Variants in ADAMTS5 observed in about 807,000 individuals in gnomAD.
ADAMTS5 encodes the protein ADAM metallopeptidase with thrombospondin type 1 motif 5.
In ADAMTS5, 54 loss-of-function variants were observed where a neutral mutation model predicts 81.4. The observed-to-expected ratio is 0.66, with a 90% confidence interval of 0.53 to 0.83. The LOEUF is 0.83. Ranked by LOEUF, ADAMTS5 falls within the 40% of genes least tolerant of loss-of-function variation. The pLI is 0.00. For synonymous variants in ADAMTS5, 532 were observed against 508.8 expected, an observed-to-expected ratio of 1.05 and a Z score of -0.61; for missense variants, 1,194 against 1,229.9, an observed-to-expected ratio of 0.97 and a Z score of 0.44.
rs1015642982 is a variant in ADAMTS5 at position 26,924,073 on chromosome 21, A to C, written c.2773T>G (p.Cys925Gly). 1.9e-6 allele frequency: 3 copies of C among 1,597,754 alleles called. No individual in the cohort carries two copies. Among genetic ancestry groups the C allele is most frequent in the Non-Finnish European group, 2.6e-6 (3 of 1,167,028 alleles). The change falls in exon 8 of 8, where the codon TGC becomes GGC. Residue 925 changes from cysteine (C) to glycine (G), a missense_variant. Transcript: ENST00000284987. ...ACAGGCTAACATTTCTTCAACAAGC[A>C]TTGCTTAAACGCAGAAGGCCTTTGG... The part of the protein sequence containing the change: ...LSQRPSAFKQ[C>G]LLKKC
intron 2 of ADAMTS5, among the ~76,000 whole-genome samples, chr21:26,946,555 A>G (rs74688327): frequency 0.026 from 3,966 of 152,292 alleles, 179 homozygotes; most frequent in African/African-American, 0.09. Context: ...TTCATAAATC[A>G]TTCACAGAGA....
intron 1 of ADAMTS5, among the ~76,000 whole-genome samples, chr21:26,962,032 T>C (rs1199397768): frequency 6.6e-6 from 1 of 152,214 alleles, no homozygotes; most frequent in Non-Finnish European, 1.5e-5. Context: ...TGATAGTTAA[T>C]GAAAGGGAAT....
At position 26,965,847 on chromosome 21, in the gene ADAMTS5, T is replaced by C. The variant is rs371205954; in HGVS notation, c.545A>G (p.Tyr182Cys). Reference protein sequence around the residue: ...PWAEEEKGRVYGDGSARILHV... With the variant: ...PWAEEEKGRVCGDGSARILHV... ...CAGGATCCGTGCGGACCCATCCCCG[T>C]ACACGCGCCCCTTTTCTTCCTCCGC... is the stretch of plus-strand genomic sequence containing the variant. Residue 182 changes from tyrosine to cysteine, a missense_variant, in exon 1 of 8, where the codon TAC becomes TGC. Coordinates refer to ENST00000284987, the MANE Select transcript of ADAMTS5 (RefSeq NM_007038.5). 6 of 1,612,622 alleles carry C rather than the reference T, an allele frequency of 3.7e-6. No individual in the cohort carries two copies. The highest frequency in any genetic ancestry group is 2.2e-5 in the East Asian group (1 of 44,812).
chr21:26,924,973 C>T (rs1986780951), intron 7 of ADAMTS5, among the ~76,000 whole-genome samples: 1 of 152,178 alleles, frequency 6.6e-6, no homozygotes. Flanking sequence ...TTCTTTCTGG[C>T]ACAAAATGGG....
intron 3 of ADAMTS5, among the ~76,000 whole-genome samples, chr21:26,940,027 T>C (rs1156750089): frequency 2.0e-5 from 3 of 152,198 alleles, no homozygotes; most frequent in African/African-American, 7.2e-5. Context: ...ATATTTCTTG[T>C]TGGAACTAAA....
At chr21:26,932,706 AAAAC>A (rs1036677477) in intron 5 of ADAMTS5, among the ~76,000 whole-genome samples, 151 bp downstream of exon 5, 4 of 151,370 alleles carry the variant, frequency 2.6e-5, no homozygotes, top group Admixed American at 2.6e-4. Flanking sequence ...ATCTCAAAAA[AAAAC>A]AAACACATAG....
At chr21:26,929,226 T>A (rs1986861536) in intron 7 of ADAMTS5, among the ~76,000 whole-genome samples, 1 of 152,182 alleles carries the variant, frequency 6.6e-6, no homozygotes, top group Non-Finnish European at 1.5e-5. Flanking sequence ...TAAGAGTGGT[T>A]TGGGAAGAAA....
chr21:26,948,502 G>C (rs1417348473), intron 2 of ADAMTS5, among the ~76,000 whole-genome samples: 1 of 152,180 alleles, frequency 6.6e-6, no homozygotes, highest in Non-Finnish European at 1.5e-5. Context: ...GAGGTGCACG[G>C]TCTTGCCAGG....
In ADAMTS5 at chr21:26,922,314, C is replaced by G. The variant is rs1393360019; in HGVS notation, c.*1739G>C. Reference sequence around the variant, plus strand: ...CTGAAAACAGCAAGACATCTATTTTCCTGGCCCACTGAAATGATGTAATAT... The same window carrying G: ...CTGAAAACAGCAAGACATCTATTTTGCTGGCCCACTGAAATGATGTAATAT... On this transcript the variant is annotated 3_prime_UTR_variant, in exon 8 of 8. Transcript: ENST00000284987. The G allele has an allele frequency of 6.6e-6, 1 of 152,026 alleles. No homozygotes were observed. The highest frequency in any genetic ancestry group is 1.5e-5 in the Non-Finnish European group (1 of 67,936). 9.4% of individuals were successfully genotyped at this position (152,026 alleles called of 1,614,324 possible).
At chr21:26,936,939 C>G (rs1568843066) in intron 3 of ADAMTS5, among the ~76,000 whole-genome samples, 1 of 152,208 alleles carries the variant, frequency 6.6e-6, no homozygotes, top group Non-Finnish European at 1.5e-5. Context: ...GTCAACAAAT[C>G]TCTGAGTCTG....
intron 3 of ADAMTS5, among the ~76,000 whole-genome samples, chr21:26,938,907 C>T (rs187151976): frequency 1.1e-4 from 16 of 152,288 alleles, no homozygotes; most frequent in Non-Finnish European, 1.8e-4. Context: ...ATCTTCTCTT[C>T]CTTTTCAATA....
chr21:26,937,127 A>G (rs2048149966), intron 3 of ADAMTS5, among the ~76,000 whole-genome samples: 1 of 152,180 alleles, frequency 6.6e-6, no homozygotes, highest in Non-Finnish European at 1.5e-5. Context: ...ATAACTCACC[A>G]CCTGACTATG....
chr21:26,957,590 G>A (rs1987452821), intron 1 of ADAMTS5, among the ~76,000 whole-genome samples: 1 of 152,144 alleles, frequency 6.6e-6, no homozygotes, highest in African/African-American at 2.4e-5. Context: ...CTTGTTCAGT[G>A]TAGATCTGAA....
Position 26,934,619 on chromosome 21 carries a change from A to C in ADAMTS5, c.1536T>G (p.Asp512Glu). The part of the protein sequence containing the change: ...GPEYSVCPGM[D>E]VCARLWCAVV... ...CAGCACACCACAGGCGAGCACAGACATCCATGCCGGGACACACGGAGTACT... is the reference window on the plus strand; with the variant it reads ...CAGCACACCACAGGCGAGCACAGACCTCCATGCCGGGACACACGGAGTACT... Residue 512 changes from aspartate to glutamate, a missense_variant, in exon 4 of 8, where the codon GAT (aspartate) becomes GAG (glutamate). Asp to Glu is a conservative substitution (Grantham distance 45, BLOSUM62 2). Transcript: ENST00000284987. The C allele has an allele frequency of 6.2e-7, 1 of 1,614,164 alleles. No individual in the cohort carries two copies. Among genetic ancestry groups the C allele is most frequent in the South Asian group, 1.1e-5 (1 of 91,084 alleles).
At position 26,958,710 on chromosome 21, in the gene ADAMTS5, T is replaced by G. The variant is rs536577799; in HGVS notation, c.1105-3839A>C. On this transcript the variant is annotated intron_variant, in intron 1 of 7. Coordinates refer to ENST00000284987, the MANE Select transcript of ADAMTS5 (RefSeq NM_007038.5). ...AAGTGCTGACACTGTGGTAAATAGA[T>G]GAAATAAGATCTGATCCTGAGCTTT... 1.6e-4 allele frequency among the ~76,000 whole-genome samples: 24 copies of G among 152,272 alleles called. 2 individuals are homozygous for G. In the South Asian group the frequency reaches 5.0e-3, roughly 32 times the overall value.
chr21:26,953,111 G>T (rs1047268318), intron 2 of ADAMTS5, among the ~76,000 whole-genome samples: 6 of 152,188 alleles, frequency 3.9e-5, no homozygotes, highest in African/African-American at 1.4e-4. Context: ...TTATAAAGAC[G>T]CTTTCAGGCT....
chr21:26,927,839 T>C (rs1986832512), intron 7 of ADAMTS5, among the ~76,000 whole-genome samples: 1 of 151,812 alleles, frequency 6.6e-6, no homozygotes, highest in African/African-American at 2.4e-5. Context: ...GTGGGAGCGG[T>C]CACGGTGGTG....
intron 2 of ADAMTS5, among the ~76,000 whole-genome samples, chr21:26,950,478 G>A (rs1020792134): frequency 4.6e-5 from 7 of 152,222 alleles, no homozygotes; most frequent in Admixed American, 2.6e-4. Flanking sequence ...ACATGGATGG[G>A]GACTGTGTTT....
intron 2 of ADAMTS5, among the ~76,000 whole-genome samples, chr21:26,947,475 C>T (rs1348529): frequency 0.026 from 3,963 of 150,848 alleles, 179 homozygotes; most frequent in African/African-American, 0.091. Flanking sequence ...CTCTTGTCGT[C>T]CAGGCTGGAG....
Sources: gnomAD v4.1 joint callset for allele counts (sites outside exome capture counted in the v4.1 genomes callset) on GRCh38, gnomAD v4.1.1 for gene constraint, MANE v1.5 for transcripts, NCBI Gene and HGNC (gene_info 2026-07-23, HGNC 2026-07-21) for gene names.